MFRP: variants seen among roughly 807,000 people sequenced by gnomAD.
MFRP encodes the protein membrane frizzled-related protein.
Under a neutral mutation model 65.8 loss-of-function variants are expected in MFRP, and 74 were observed. That is an observed-to-expected ratio of 1.12 (90% CI 0.93 to 1.36). The LOEUF is 1.36. Ranked by LOEUF, MFRP falls within the 40% of genes most tolerant of loss-of-function variation. The probability of loss-of-function intolerance (pLI) is 0.00; values close to 1 mark genes in which losing one functional copy is unlikely to be tolerated. For synonymous variants in MFRP, 336 were observed against 288.3 expected (o/e 1.17, Z -1.68); for missense variants, 838 against 736.0 (o/e 1.14, Z -1.60).
At chr11:119,342,527 A>G in intron 11 of MFRP, 69 bp downstream of exon 11, 1 of 1,590,922 alleles carries the variant, frequency 6.3e-7, no homozygotes, top group South Asian at 1.1e-5. Flanking sequence ...GACACTGTGC[A>G]GTACGGCAGT....
chr11:119,340,726 G>A lies in MFRP; in HGVS notation c.*822C>T. Reference sequence around the variant, plus strand: ...TCCCGGCTCCCCGATGGCCTCCTTCGGGGCGCTCGCTACTCCGGACCCTCC... The same window carrying A: ...TCCCGGCTCCCCGATGGCCTCCTTCAGGGCGCTCGCTACTCCGGACCCTCC... On this transcript the variant is annotated 3_prime_UTR_variant, in exon 13 of 15. Transcript: ENST00000619721. The A allele has an allele frequency of 1.6e-5, 6 of 378,140 alleles. No homozygotes were observed. The highest frequency in any genetic ancestry group is 1.4e-4 in the South Asian group (5 of 35,582). The allele number at this position is 378,140 out of a possible 1,614,324, so 23.4% of individuals were successfully genotyped here. A position where few individuals can be genotyped will look rare whatever the true frequency, so the allele number is the denominator to read the frequency against.
rs1565291017 is a variant in MFRP at position 119,339,766 on chromosome 11, C to A, written c.*1193G>T. 1.3e-6 allele frequency: 2 copies of A among 1,577,992 alleles called. No homozygotes were observed. The highest frequency in any genetic ancestry group is 2.3e-5 in the East Asian group (1 of 43,782). On this transcript the variant is annotated 3_prime_UTR_variant, in exon 15 of 15. Transcript: ENST00000619721. The surrounding 1 kb of genome is among the most constrained non-coding windows in gnomAD (Gnocchi z 5.4). ...CGCTGAAGGCGGATCGCGGAGGCAC[C>A]GAGCACTCCCCGGCAGGCCCGGTGG...
chr11:119,346,163 C>T lies in MFRP; in HGVS notation c.158-4G>A, dbSNP rs560861324. The T allele has an allele frequency of 6.4e-5, 102 of 1,585,046 alleles. No homozygotes were observed. Among genetic ancestry groups the T allele is most frequent in the Non-Finnish European group, 8.3e-5 (97 of 1,165,172 alleles). ...CGTAGCCCTCGAGGACGCCGACCTG[C>T]GGGTTGGCAGGTGGGGTTTTGAAAG... is the stretch of plus-strand genomic sequence containing the variant. On this transcript the variant is annotated splice_polypyrimidine_tract_variant and splice_region_variant and intron_variant, in intron 2 of 14. Coordinates refer to ENST00000619721, the MANE Select transcript of MFRP (RefSeq NM_031433.4).
At chr11:119,344,544 C>A in intron 7 of MFRP, 88 bp downstream of exon 7, 1 of 1,606,672 alleles carries the variant, frequency 6.2e-7, no homozygotes, top group East Asian at 2.2e-5. Context: ...TGACGGAGGG[C>A]CCGGTTTGAG....
Position 119,345,753 on chromosome 11 carries a change from G to A in MFRP, c.427+20C>T. The A allele has an allele frequency of 6.2e-7, 1 of 1,613,454 alleles. No individual in the cohort carries two copies. The highest frequency in any genetic ancestry group is 8.5e-7 in the Non-Finnish European group (1 of 1,180,018). Reference sequence around the variant, plus strand: ...GTCATCTTGGGCCCTTCTCCCGGAAGATCTGCCCCCAGTACTCACTGGACT... The same window carrying A: ...GTCATCTTGGGCCCTTCTCCCGGAAAATCTGCCCCCAGTACTCACTGGACT... On this transcript the variant is annotated intron_variant, in intron 4 of 14. Coordinates refer to ENST00000619721, the MANE Select transcript of MFRP (RefSeq NM_031433.4).
In MFRP at chr11:119,346,126, C is replaced by A; in HGVS notation, c.191G>T (p.Arg64Leu). 1 of 1,603,604 alleles carries A rather than the reference C, an allele frequency of 6.2e-7. No individual in the cohort carries two copies. The highest frequency in any genetic ancestry group is 8.5e-7 in the Non-Finnish European group (1 of 1,175,000). ...CAGGAGGACACAGAGCCAGGAGAAG[C>A]GGCAGTCTGGCCGTAGCCCTCGAGG... The part of the protein sequence containing the change: ...RRPRGLRPDC[R>L]FSWLCVLLLS... The change falls in exon 3 of 15, where the codon CGC becomes CTC. Residue 64 changes from arginine to leucine, a missense_variant. Transcript: ENST00000619721.
chr11:119,340,287 CGTGCCTGGAAGGCCGGG>C lies in MFRP; in HGVS notation c.*990_*1006del. On this transcript the variant is annotated 3_prime_UTR_variant, in exon 14 of 15. Transcript: ENST00000619721. Reference sequence around the variant, plus strand: ...AGCCCTGGCTGCCATGGTGGCCCGGCGTGCCTGGAAGGCCGGGGTGCCCCGGGCAGAGGCTGGGGATC... The same window carrying C: ...AGCCCTGGCTGCCATGGTGGCCCGGCGTGCCCCGGGCAGAGGCTGGGGATC... The C allele has an allele frequency of 1.3e-6, 2 of 1,531,592 alleles. No homozygotes were observed. Among genetic ancestry groups the C allele is most frequent in the Non-Finnish European group, 1.8e-6 (2 of 1,140,886 alleles). 94.9% of individuals were successfully genotyped at this position (1,531,592 alleles called of 1,614,324 possible).
rs61900004 is a variant in MFRP at position 119,340,052 on chromosome 11, C to G, written c.*1110+132G>C. The G allele has an allele frequency of 7.9e-3, 10,174 of 1,290,270 alleles. 45 individuals carry two copies. Among genetic ancestry groups the G allele is most frequent in the Non-Finnish European group, 9.2e-3 (9,043 of 986,562 alleles). The allele number at this position is 1,290,270 out of a possible 1,614,324, so 79.9% of individuals were successfully genotyped here. ...GGGCTCCCGCCGCCTGGGCCCCTCCCCCGCTCAGGGCTGCAAAGCGCGGGG... is the reference window on the plus strand; with the variant it reads ...GGGCTCCCGCCGCCTGGGCCCCTCCGCCGCTCAGGGCTGCAAAGCGCGGGG... On this transcript the variant is annotated intron_variant, in intron 14 of 14. Coordinates refer to ENST00000619721, the MANE Select transcript of MFRP (RefSeq NM_031433.4).
Position 119,345,803 on chromosome 11 carries a change from C to A in MFRP, c.397G>T (p.Glu133Ter), listed in dbSNP as rs770341402. Residue 133 changes from glutamate (E) to a stop codon, truncating the protein, a stop_gained, in exon 4 of 15, where the codon GAG becomes TAG. Coordinates refer to ENST00000619721, the MANE Select transcript of MFRP (RefSeq NM_031433.4). LOFTEE classifies it high-confidence loss of function. ...TGTGGGGAGGGGCTCACGCCTGACT[C>A]CTGCTGCCCTTTAGGGGTCCCAGCT... The part of the protein sequence containing the change: ...QAAGTPKGQQ[E>*]SGVSPSPQST... The A allele has an allele frequency of 3.4e-5, 55 of 1,613,752 alleles. No individual in the cohort carries two copies. Among genetic ancestry groups the A allele is most frequent in the Non-Finnish European group, 4.4e-5 (52 of 1,180,028 alleles).
chr11:119,343,368 T>C (rs1950522781), intron 9 of MFRP, among the ~76,000 whole-genome samples: 1 of 152,028 alleles, frequency 6.6e-6, no homozygotes, highest in Admixed American at 6.6e-5. Flanking sequence ...AAAAAGTAAA[T>C]TATCTGGGCG....
At position 119,342,456 on chromosome 11, in the gene MFRP, TG is replaced by T. The variant is rs1950511542; in HGVS notation, c.1387+139del. 11 of 1,053,256 alleles carry T rather than the reference TG, an allele frequency of 1.0e-5. No individual in the cohort carries two copies. In the East Asian group the frequency reaches 2.9e-4, roughly 27 times the overall value. The allele number at this position is 1,053,256 out of a possible 1,614,324, so 65.2% of individuals were successfully genotyped here. ...GACTGTCTTCCAGGACTCTGTGAAGTGGTCCCAGAGTCAGGATGGTGAGGCC... is the reference window on the plus strand; with the variant it reads ...GACTGTCTTCCAGGACTCTGTGAAGTGTCCCAGAGTCAGGATGGTGAGGCC... On this transcript the variant is annotated intron_variant, in intron 11 of 14. Transcript: ENST00000619721.
chr11:119,339,215 C>T lies in MFRP; in HGVS notation c.*1744G>A. 3.3e-6 allele frequency: 4 copies of T among 1,213,432 alleles called. No homozygotes were observed. Among genetic ancestry groups the T allele is most frequent in the Non-Finnish European group, 4.6e-6 (4 of 868,242 alleles). The allele number at this position is 1,213,432 out of a possible 1,614,324, so 75.2% of individuals were successfully genotyped here. ...GCAGCAGGACGGAGAGTGCTCTACCCCACCTCCCTAGTCATTCACAATATT... is the reference window on the plus strand; with the variant it reads ...GCAGCAGGACGGAGAGTGCTCTACCTCACCTCCCTAGTCATTCACAATATT... On this transcript the variant is annotated 3_prime_UTR_variant, in exon 15 of 15. Transcript: ENST00000619721. This position sits in a 1 kb window ranked among gnomAD's most constrained non-coding sequence, Gnocchi z 5.4.
rs140825822 is a variant in MFRP at position 119,345,858 on chromosome 11, G to A, written c.342C>T (p.Thr114=). 9 of 1,613,754 alleles carry A rather than the reference G, an allele frequency of 5.6e-6. No individual in the cohort carries two copies. The highest frequency in any genetic ancestry group is 1.3e-5 in the African/African-American group (1 of 74,900). The change falls in exon 4 of 15, where the codon ACC becomes ACT. Residue 114 remains threonine (T), a synonymous_variant. Coordinates refer to ENST00000619721, the MANE Select transcript of MFRP (RefSeq NM_031433.4). ...PLPAGGLTTT[T]TTPTITTSQA... is the part of the protein sequence containing the mutation. Reference sequence around the variant, plus strand: ...GAGAGGTGGTGATGGTGGGGGTGGTGGTGGTCGTGGTAAGGCCTCCGGCAG... The same window carrying A: ...GAGAGGTGGTGATGGTGGGGGTGGTAGTGGTCGTGGTAAGGCCTCCGGCAG...
intron 7 of MFRP, 110 bp from the exon 8 acceptor site, chr11:119,344,501 T>A: frequency 6.3e-7 from 1 of 1,574,894 alleles, no homozygotes; most frequent in South Asian, 1.1e-5. Flanking sequence ...GGGAAACAAG[T>A]TCTGGGCCAA....
In MFRP at chr11:119,346,492, T is replaced by C. The variant is rs142224508; in HGVS notation, c.22A>G (p.Ile8Val). The C allele has an allele frequency of 1.2e-6, 2 of 1,614,126 alleles. No homozygotes were observed. The highest frequency in any genetic ancestry group is 4.5e-5 in the East Asian group (2 of 44,886). MKDFSDV[I>V]LCMEATESSK... Reference sequence around the variant, plus strand: ...GATTCTGTTGCCTCCATGCAGAGGATGACATCTGAGAAGTCCTTCATGGCA... The same window carrying C: ...GATTCTGTTGCCTCCATGCAGAGGACGACATCTGAGAAGTCCTTCATGGCA... Residue 8 changes from isoleucine to valine, a missense_variant, in exon 1 of 15, where the codon ATC becomes GTC. By Grantham distance (29) the Ile-to-Val change is conservative. Transcript: ENST00000619721.
At position 119,340,554 on chromosome 11, in the gene MFRP, C is replaced by T. The variant is rs913885528; in HGVS notation, c.*854-114G>A. 6 of 764,294 alleles carry T rather than the reference C, an allele frequency of 7.9e-6. No homozygotes were observed. In the East Asian group the frequency reaches 9.2e-5, roughly 12 times the overall value. The allele number at this position is 764,294 out of a possible 1,614,324, so 47.3% of individuals were successfully genotyped here. A position where few individuals can be genotyped will look rare whatever the true frequency, so the allele number is the denominator to read the frequency against. The stretch of plus-strand genomic sequence containing the variant: ...CCACTGCCGTGCCCCTGAGGCTGAG[C>T]GCTCGCAGGGCCGAGCATCCGGAGA... On this transcript the variant is annotated intron_variant, in intron 13 of 14. Coordinates refer to ENST00000619721, the MANE Select transcript of MFRP (RefSeq NM_031433.4).
chr11:119,342,617 C>T lies in MFRP; in HGVS notation c.1366G>A (p.Gly456Ser), dbSNP rs369531002. ...TCACCTGGGGGTGGGAACAAGGGGC[C>T]GCTGCAGTTGTCATCGCTGCCATCG... is the stretch of plus-strand genomic sequence containing the variant. ...CTDGSDDNCS[G>S]PLFPPPELAC... Residue 456 changes from glycine to serine, a missense_variant, in exon 11 of 15, where the codon GGC becomes AGC. Physicochemically the swap from Gly to Ser is moderately conservative, Grantham distance 56. Coordinates refer to ENST00000619721, the MANE Select transcript of MFRP (RefSeq NM_031433.4). 4.6e-5 allele frequency: 75 copies of T among 1,613,404 alleles called. No homozygotes were observed. In the East Asian group the frequency reaches 7.6e-4, roughly 16 times the overall value.
Position 119,339,765 on chromosome 11 carries a change from C to T in MFRP, c.*1194G>A, listed in dbSNP as rs1273065065. On this transcript the variant is annotated 3_prime_UTR_variant, in exon 15 of 15. Transcript: ENST00000619721. This position sits in a 1 kb window ranked among gnomAD's most constrained non-coding sequence, Gnocchi z 5.4. ...GCGCTGAAGGCGGATCGCGGAGGCA[C>T]CGAGCACTCCCCGGCAGGCCCGGTG... is the stretch of plus-strand genomic sequence containing the variant. 6.3e-7 allele frequency: 1 copy of T among 1,578,642 alleles called. No individual in the cohort carries two copies. The highest frequency in any genetic ancestry group is 8.5e-7 in the Non-Finnish European group (1 of 1,169,896).
intron 11 of MFRP, 66 bp downstream of exon 11, chr11:119,342,530 A>G: frequency 1.9e-6 from 3 of 1,595,260 alleles, no homozygotes; most frequent in Non-Finnish European, 2.6e-6. Context: ...ACTGTGCAGT[A>G]CGGCAGTAGG....
Sources: gnomAD v4.1 joint callset for allele counts (sites outside exome capture counted in the v4.1 genomes callset) on GRCh38, gnomAD v4.1.1 for gene constraint, Gnocchi (gnomAD v3.1) non-coding constraint, MANE v1.5 for transcripts, NCBI Gene and HGNC (gene_info 2026-07-23, HGNC 2026-07-21) for gene names.